ZBTB26: variants seen among roughly 807,000 people sequenced by gnomAD.
The protein encoded by ZBTB26 is zinc finger and BTB domain containing 26.
Under a neutral mutation model 31.6 loss-of-function variants are expected in ZBTB26, and 12 were observed. That is an observed-to-expected ratio of 0.38 (90% CI 0.24 to 0.61). ZBTB26 has a LOEUF of 0.61. Among genes scored for constraint, ZBTB26 ranks in the 20% least tolerant of loss-of-function variants. ZBTB26 has a pLI of 0.60. For missense variants in ZBTB26, 311 were observed against 521.9 expected (o/e 0.60, Z 3.94); for synonymous variants, 155 against 182.9 (o/e 0.85, Z 1.23).
intron 1 of ZBTB26, among the ~76,000 whole-genome samples, chr9:122,929,094 G>A (rs1833228243): frequency 6.6e-6 from 1 of 152,208 alleles, no homozygotes; most frequent in South Asian, 2.1e-4. Flanking sequence ...ATTCAGCAAA[G>A]CAGGGAATAT....
In ZBTB26 at chr9:122,923,184, A is replaced by C. The variant is rs1833128360; in HGVS notation, c.-10-3240T>G. Among the ~76,000 whole-genome samples, 3 of 15,392 alleles carry C rather than the reference A, an allele frequency of 1.9e-4. No individual in the cohort carries two copies. The South Asian group carries it at 0.013, about 66-fold the overall frequency. The allele number at this position is 15,392 out of a possible 152,430, so 10.1% of individuals were successfully genotyped here. ...AGGCAACAGAGCAAGACTCCATCTC[A>C]AAAAAAAAAAAGAAAAAAAAAAAAG... On this transcript the variant is annotated intron_variant, in intron 1 of 1. Transcript: ENST00000373656.
At chr9:122,930,387 C>G (rs1564338236) in intron 1 of ZBTB26, among the ~76,000 whole-genome samples, 1 of 152,302 alleles carries the variant, frequency 6.6e-6, no homozygotes, top group Middle Eastern at 3.4e-3. Context: ...GTCTCCTTAC[C>G]AATGACACCA....
intron 1 of ZBTB26, chr9:122,931,127 T>C (rs1041044244): frequency 3.9e-5 from 6 of 152,308 alleles, no homozygotes; most frequent in Non-Finnish European, 7.3e-5. Context: ...CTCGTTTTCT[T>C]AGGGCCTCAC....
At chr9:122,929,978 A>G (rs1366693875) in intron 1 of ZBTB26, among the ~76,000 whole-genome samples, 3 of 151,534 alleles carry the variant, frequency 2.0e-5, no homozygotes, top group Non-Finnish European at 4.4e-5. Context: ...ACTAGCTCCA[A>G]TTCCTCTTTC....
Position 122,918,713 on chromosome 9 carries a change from A to C in ZBTB26, c.1222T>G (p.Ser408Ala). ...TCGGGTTGTGGCTGACACCCTTTAGAGTCTGTGACTGTTGTACATGCAAAA... is the reference window on the plus strand; with the variant it reads ...TCGGGTTGTGGCTGACACCCTTTAGCGTCTGTGACTGTTGTACATGCAAAA... The part of the protein sequence containing the change: ...DSFACTTVTD[S>A]KGCQPQPDAT... The change falls in exon 2 of 2, where the codon TCT becomes GCT. Residue 408 changes from serine (S) to alanine (A), a missense_variant. By Grantham distance (99) the Ser-to-Ala change is moderately conservative. Transcript: ENST00000373656. The C allele has an allele frequency of 3.1e-6, 5 of 1,614,186 alleles. No homozygotes were observed. The highest frequency in any genetic ancestry group is 4.2e-6 in the Non-Finnish European group (5 of 1,180,026).
chr9:122,917,560 T>C lies in ZBTB26; in HGVS notation c.*1049A>G, dbSNP rs1291064212. 1 of 152,232 alleles carries C rather than the reference T, an allele frequency of 6.6e-6. No individual in the cohort carries two copies. Among genetic ancestry groups the C allele is most frequent in the Non-Finnish European group, 1.5e-5 (1 of 68,034 alleles). The allele number at this position is 152,232 out of a possible 1,614,324, so 9.4% of individuals were successfully genotyped here. The stretch of plus-strand genomic sequence containing the variant: ...GCACAGTGTACCTTTAAGAGGTATC[T>C]GAATACAGAAATTTGATTGCCCCTT... On this transcript the variant is annotated 3_prime_UTR_variant, in exon 2 of 2. Transcript: ENST00000373656.
chr9:122,920,573 G>T (rs1281560634), intron 1 of ZBTB26, among the ~76,000 whole-genome samples: 1 of 152,150 alleles, frequency 6.6e-6, no homozygotes, highest in African/African-American at 2.4e-5. Flanking sequence ...TGTTTAAATT[G>T]ATATGAACTT....
Position 122,918,124 on chromosome 9 carries a change from A to G in ZBTB26, c.*485T>C, listed in dbSNP as rs1295622658. 3 of 157,222 alleles carry G rather than the reference A, an allele frequency of 1.9e-5. No individual in the cohort carries two copies. Among genetic ancestry groups the G allele is most frequent in the Non-Finnish European group, 4.2e-5 (3 of 71,420 alleles). The allele number at this position is 157,222 out of a possible 1,614,324, so 9.7% of individuals were successfully genotyped here. ...TAGGAAGCAGATTCATTTATCAGAC[A>G]TGGAGGAATAATCAATAGGCAACCA... On this transcript the variant is annotated 3_prime_UTR_variant, in exon 2 of 2. Transcript: ENST00000373656.
chr9:122,927,127 T>C (rs902759260), intron 1 of ZBTB26, among the ~76,000 whole-genome samples: 1 of 152,232 alleles, frequency 6.6e-6, no homozygotes, highest in East Asian at 1.9e-4. Flanking sequence ...AGGTCTTTAT[T>C]ATCTATTGCC....
intron 1 of ZBTB26, among the ~76,000 whole-genome samples, chr9:122,923,947 A>G (rs1416229106): frequency 6.6e-6 from 1 of 152,222 alleles, no homozygotes; most frequent in East Asian, 1.9e-4. Context: ...AATTGCCTAC[A>G]GTATTCAGTA....
In ZBTB26 at chr9:122,917,148, A is replaced by G. The variant is rs922959039; in HGVS notation, c.*1461T>C. On this transcript the variant is annotated 3_prime_UTR_variant, in exon 2 of 2. Coordinates refer to ENST00000373656, the MANE Select transcript of ZBTB26 (RefSeq NM_020924.4). ...AAATTCAGGTTGTCTCAGAAAGCCA[A>G]CAGGGAGACACAAAGGGGAAACACA... 8 of 152,234 alleles carry G rather than the reference A, an allele frequency of 5.3e-5. No homozygotes were observed. Among genetic ancestry groups the G allele is most frequent in the African/African-American group, 1.9e-4 (8 of 41,458 alleles). 9.4% of individuals were successfully genotyped at this position (152,234 alleles called of 1,614,324 possible). A position where few individuals can be genotyped will look rare whatever the true frequency, so the allele number is the denominator to read the frequency against.
At chr9:122,922,771 A>G (rs996745383) in intron 1 of ZBTB26, among the ~76,000 whole-genome samples, 6 of 152,274 alleles carry the variant, frequency 3.9e-5, no homozygotes, top group Admixed American at 6.5e-5. Context: ...AATGGGAATA[A>G]GACGAAAGGA....
chr9:122,918,352 T>G lies in ZBTB26; in HGVS notation c.*257A>C. The stretch of plus-strand genomic sequence containing the variant: ...GTCTAAGACATAAGTCAATGTTAGG[T>G]AGACAAAAGGAATTATTCCTTGGGA... On this transcript the variant is annotated 3_prime_UTR_variant, in exon 2 of 2. Coordinates refer to ENST00000373656, the MANE Select transcript of ZBTB26 (RefSeq NM_020924.4). The G allele has an allele frequency of 2.2e-6, 1 of 462,712 alleles. No individual in the cohort carries two copies. The highest frequency in any genetic ancestry group is 2.9e-5 in the South Asian group (1 of 34,218). 28.7% of individuals were successfully genotyped at this position (462,712 alleles called of 1,614,324 possible).
chr9:122,921,814 C>T lies in ZBTB26; in HGVS notation c.-10-1870G>A, dbSNP rs145038427. On this transcript the variant is annotated intron_variant, in intron 1 of 1. Transcript: ENST00000373656. ...GGCGTAGTGGCACATGCCTGTAGTCCCAGCTACTCAGGAGGCTAAGGCTGG... is the reference window on the plus strand; with the variant it reads ...GGCGTAGTGGCACATGCCTGTAGTCTCAGCTACTCAGGAGGCTAAGGCTGG... Among the ~76,000 whole-genome samples, 780 of 152,292 alleles carry T rather than the reference C, an allele frequency of 5.1e-3. 9 individuals carry two copies. Among genetic ancestry groups the T allele is most frequent in the South Asian group, 0.043 (209 of 4,828 alleles).
At chr9:122,925,679 A>T (rs1588131557) in intron 1 of ZBTB26, among the ~76,000 whole-genome samples, 1 of 151,358 alleles carries the variant, frequency 6.6e-6, no homozygotes, top group Non-Finnish European at 1.5e-5. Context: ...GCTTGCTGCA[A>T]CCTCTGCCTC....
intron 1 of ZBTB26, among the ~76,000 whole-genome samples, chr9:122,925,992 C>A (rs188443562): frequency 1.3e-5 from 2 of 151,862 alleles, no homozygotes; most frequent in Admixed American, 6.6e-5. Context: ...ACTCCCGACC[C>A]GGGTGATTCA....
chr9:122,917,455 A>C lies in ZBTB26; in HGVS notation c.*1154T>G, dbSNP rs1833029670. The C allele has an allele frequency of 6.6e-6, 1 of 152,214 alleles. No homozygotes were observed. The highest frequency in any genetic ancestry group is 2.4e-5 in the African/African-American group (1 of 41,460). The allele number at this position is 152,214 out of a possible 1,614,324, so 9.4% of individuals were successfully genotyped here. A position where few individuals can be genotyped will look rare whatever the true frequency, so the allele number is the denominator to read the frequency against. On this transcript the variant is annotated 3_prime_UTR_variant, in exon 2 of 2. Transcript: ENST00000373656. Reference sequence around the variant, plus strand: ...TAGAATTTTAGGTCTGAAGTACAACATGTGTTTTAGGAAAAAGAGCTGTTT... The same window carrying C: ...TAGAATTTTAGGTCTGAAGTACAACCTGTGTTTTAGGAAAAAGAGCTGTTT...
chr9:122,917,578 T>C lies in ZBTB26; in HGVS notation c.*1031A>G, dbSNP rs958024821. 2.7e-5 allele frequency: 4 copies of C among 150,922 alleles called. No homozygotes were observed. The highest frequency in any genetic ancestry group is 9.7e-5 in the African/African-American group (4 of 41,376). 9.3% of individuals were successfully genotyped at this position (150,922 alleles called of 1,614,324 possible). On this transcript the variant is annotated 3_prime_UTR_variant, in exon 2 of 2. Transcript: ENST00000373656. The stretch of plus-strand genomic sequence containing the variant: ...AGGTATCTGAATACAGAAATTTGAT[T>C]GCCCCTTCTGTGTCCAACCTAACTT...
At chr9:122,920,591 C>T (rs902255030) in intron 1 of ZBTB26, among the ~76,000 whole-genome samples, 1 of 152,188 alleles carries the variant, frequency 6.6e-6, no homozygotes, top group East Asian at 1.9e-4. Flanking sequence ...CTTATTCATA[C>T]AAGTATTTCT....
Sources: allele counts gnomAD v4.1 joint callset (sites outside exome capture counted in the v4.1 genomes callset), GRCh38; gene constraint gnomAD v4.1.1; transcripts MANE v1.5; gene names NCBI Gene and HGNC (gene_info 2026-07-23, HGNC 2026-07-21).